The following SMARCC2 variants were observed in gnomAD, a reference collection of about 807,000 sequenced individuals.
SMARCC2 encodes SWI/SNF complex subunit SMARCC2.
In SMARCC2, 15 loss-of-function variants were observed where a neutral mutation model predicts 151.3. The ratio of observed to expected loss-of-function variants is 0.10; its 90% CI spans 0.07 to 0.15. The LOEUF (loss-of-function observed/expected upper bound fraction) is 0.15. Ranked by LOEUF, SMARCC2 falls within the 10% of genes least tolerant of loss-of-function variation. SMARCC2 has a pLI of 1.00. For missense variants in SMARCC2, 1,031 were observed against 1,599.7 expected, an observed-to-expected ratio of 0.64 and a Z score of 6.06; for synonymous variants, 590 against 609.5, an observed-to-expected ratio of 0.97 and a Z score of 0.47.
intron 25 of SMARCC2, 38 bp downstream of exon 25, chr12:56,169,491 A>G: frequency 1.9e-6 from 3 of 1,603,230 alleles, no homozygotes; most frequent in Non-Finnish European, 2.6e-6. Flanking sequence ...AGAGAAGTGG[A>G]CATTTTCTTC....
rs746398290 is a variant in SMARCC2, at chr12:56,164,614, G to A, written c.3350C>T (p.Pro1117Leu). ...TGGAGCAGGAGGAGGAGGAGGAGGC[G>A]GCATGCCAAAAGGCAAACCCAAAGG... Reference protein sequence around the residue: ...NAPLGLPFGMPPPPPPPAPSI... With the variant: ...NAPLGLPFGMLPPPPPPAPSI... The change falls in exon 28 of 29, where the codon CCG (proline) becomes CTG (leucine). Residue 1117 changes from proline (P) to leucine (L), a missense_variant. Pro to Leu is a moderately conservative substitution (Grantham distance 98, BLOSUM62 -3). Coordinates refer to ENST00000550164, the MANE Select transcript of SMARCC2 (RefSeq NM_001330288.2). 46 of 1,613,420 alleles carry A rather than the reference G, an allele frequency of 2.9e-5. No individual in the cohort carries two copies. The highest frequency in any genetic ancestry group is 9.9e-5 in the South Asian group (9 of 91,032).
chr12:56,165,443 C>T lies in SMARCC2; in HGVS notation c.3107G>A (p.Gly1036Glu), dbSNP rs1432002981. Residue 1036 changes from glycine (G) to glutamate (E), a missense_variant, in exon 27 of 29, where the codon GGA becomes GAA. Around this residue, in one of 12 missense-constraint regions of SMARCC2, gnomAD observed 310 missense variants for 350.0 expected, o/e 0.89. Coordinates refer to ENST00000550164, the MANE Select transcript of SMARCC2 (RefSeq NM_001330288.2). ...AATCTGTTCAGAAGGGCCCAAACTT[C>T]CTGGAGGGGCCCCACTGCCAGCAGG... is the stretch of plus-strand genomic sequence containing the variant. Reference protein sequence around the residue: ...PAPAGSGAPPGSLGPSEQIGQ... With the variant: ...PAPAGSGAPPESLGPSEQIGQ... The T allele has an allele frequency of 5.9e-6, 9 of 1,534,386 alleles. No individual in the cohort carries two copies. The highest frequency in any genetic ancestry group is 7.9e-6 in the Non-Finnish European group (9 of 1,141,790).
intron 26 of SMARCC2, 31 bp downstream of exon 26, chr12:56,168,029 G>A (rs760417720): frequency 2.5e-6 from 4 of 1,607,448 alleles, no homozygotes; most frequent in African/African-American, 1.4e-5. Flanking sequence ...GAGGCACAGC[G>A]CAGCAGGGTT....
At chr12:56,165,224 C>G (rs886968959) in intron 27 of SMARCC2, 94 bp downstream of exon 27, 2 of 1,385,404 alleles carry the variant, frequency 1.4e-6, no homozygotes, top group African/African-American at 2.9e-5. Flanking sequence ...AGGCTAACCT[C>G]ATCTCCACAC....
Position 56,171,523 on chromosome 12 carries a change from C to A in SMARCC2, c.2186-91G>T. The A allele has an allele frequency of 6.4e-7, 1 of 1,559,382 alleles. No individual in the cohort carries two copies. Among genetic ancestry groups the A allele is most frequent in the South Asian group, 1.2e-5 (1 of 86,440 alleles). The stretch of plus-strand genomic sequence containing the variant: ...AAGCTTACTCACAAGCCCATGTCTT[C>A]ATCTAAGCTAGTATGGAGCCTAGAC... On this transcript the variant is annotated intron_variant, in intron 21 of 28. Coordinates refer to ENST00000550164, the MANE Select transcript of SMARCC2 (RefSeq NM_001330288.2). This position sits in a 1 kb window ranked among gnomAD's most constrained non-coding sequence, Gnocchi z 4.2.
intron 1 of SMARCC2, 119 bp from the exon 2 acceptor site, chr12:56,187,425 C>A: frequency 1.1e-6 from 1 of 940,946 alleles, no homozygotes; most frequent in South Asian, 1.6e-5. Flanking sequence ...GTGCCCTTCT[C>A]CCCATTTAGT....
At position 56,163,565 on chromosome 12, in the gene SMARCC2, A is replaced by C. The variant is rs1247788007; in HGVS notation, c.*124T>G. 1 of 510,434 alleles carries C rather than the reference A, an allele frequency of 2.0e-6. No homozygotes were observed. The highest frequency in any genetic ancestry group is 3.4e-6 in the Non-Finnish European group (1 of 291,974). The allele number at this position is 510,434 out of a possible 1,614,324, so 31.6% of individuals were successfully genotyped here. A position where few individuals can be genotyped will look rare whatever the true frequency, so the allele number is the denominator to read the frequency against. The stretch of plus-strand genomic sequence containing the variant: ...ATGGTGAGGGCTTTGGAGGGGCGGA[A>C]GGAGCTTTCCTTACGTAGTGATGAA... On this transcript the variant is annotated 3_prime_UTR_variant, in exon 29 of 29. Coordinates refer to ENST00000550164, the MANE Select transcript of SMARCC2 (RefSeq NM_001330288.2).
At chr12:56,179,768 C>A (rs963839628) in intron 11 of SMARCC2, among the ~76,000 whole-genome samples, 15 of 151,516 alleles carry the variant, frequency 9.9e-5, no homozygotes, top group African/African-American at 3.4e-4. Flanking sequence ...CTCACTGCAA[C>A]CTCCACCTCC....
At chr12:56,184,627 T>C (rs753172036) in intron 5 of SMARCC2, 115 of 565,546 alleles carry the variant, frequency 2.0e-4, no homozygotes, top group Middle Eastern at 9.3e-4. Flanking sequence ...CAGGCCAACA[T>C]AGTCTCTAGA....
rs372102022 is a variant in SMARCC2, at chr12:56,185,124, C to T, written c.318-13G>A. The T allele has an allele frequency of 4.3e-6, 7 of 1,610,716 alleles. No homozygotes were observed. Among genetic ancestry groups the T allele is most frequent in the African/African-American group, 2.7e-5 (2 of 74,818 alleles). On this transcript the variant is annotated splice_polypyrimidine_tract_variant and intron_variant, in intron 3 of 28. Coordinates refer to ENST00000550164, the MANE Select transcript of SMARCC2 (RefSeq NM_001330288.2). ...ATCGTAACGCCGCCTTGTGAAGAGGCAATAATCTAGTGAGTGGTATAGCTC... is the reference window on the plus strand; with the variant it reads ...ATCGTAACGCCGCCTTGTGAAGAGGTAATAATCTAGTGAGTGGTATAGCTC...
At position 56,171,725 on chromosome 12, in the gene SMARCC2, A is replaced by G. The variant is rs1260264360; in HGVS notation, c.2139T>C (p.Ser713=). 13 of 1,588,914 alleles carry G rather than the reference A, an allele frequency of 8.2e-6. No individual in the cohort carries two copies. Among genetic ancestry groups the G allele is most frequent in the Non-Finnish European group, 1.1e-5 (13 of 1,166,318 alleles). ...PVMSTVAFLA[S]VVDPRVASAA... ...CAGAGGCGACTCGGGGATCGACGAC[A>G]GAGGCCAGGAAGGCAACAGTGCTCA... Residue 713 remains serine (S), a synonymous_variant, in exon 21 of 29, where the codon TCT becomes TCC. Coordinates refer to ENST00000550164, the MANE Select transcript of SMARCC2 (RefSeq NM_001330288.2). This position sits in a 1 kb window ranked among gnomAD's most constrained non-coding sequence, Gnocchi z 4.2.
intron 1 of SMARCC2, among the ~76,000 whole-genome samples, chr12:56,187,784 T>G (rs11171772): frequency 1.3e-5 from 2 of 152,140 alleles, no homozygotes; most frequent in Non-Finnish European, 2.9e-5. Flanking sequence ...GGAGGGCAAG[T>G]TGACTGAGTG....
intron 15 of SMARCC2, among the ~76,000 whole-genome samples, chr12:56,177,412 T>C (rs773649): frequency 0.099 from 15,089 of 152,060 alleles, 773 homozygotes; most frequent in Non-Finnish European, 0.11. Context: ...GCCCAGCTAA[T>C]TTTTTTTCAC....
In SMARCC2 at chr12:56,162,698, G is replaced by C. The variant is rs1356745012; in HGVS notation, c.*991C>G. 5.0e-6 allele frequency: 1 copy of C among 201,248 alleles called. No homozygotes were observed. The highest frequency in any genetic ancestry group is 2.3e-5 in the African/African-American group (1 of 42,950). 12.5% of individuals were successfully genotyped at this position (201,248 alleles called of 1,614,324 possible). A position where few individuals can be genotyped will look rare whatever the true frequency, so the allele number is the denominator to read the frequency against. On this transcript the variant is annotated 3_prime_UTR_variant, in exon 29 of 29. Transcript: ENST00000550164. ...TGCATCCTCATCTGGGGAGCCCCCA[G>C]CTATCAGCTGAAGTTCTCATAGTCT... is the stretch of plus-strand genomic sequence containing the variant.
chr12:56,185,199 G>T, intron 3 of SMARCC2, 88 bp from the exon 4 acceptor site: 1 of 1,046,160 alleles, frequency 9.6e-7, no homozygotes, highest in Non-Finnish European at 1.5e-6. Flanking sequence ...TGTTTTTTGA[G>T]ATGGAGTCTT....
Position 56,176,112 on chromosome 12 carries a change from C to A in SMARCC2, c.1383-1348G>T, listed in dbSNP as rs1038797081. Reference sequence around the variant, plus strand: ...GACCTCGTGATCTGCCCGCCTGGGCCTCCCAAAGTGCTGGAATTACAGGCG... The same window carrying A: ...GACCTCGTGATCTGCCCGCCTGGGCATCCCAAAGTGCTGGAATTACAGGCG... On this transcript the variant is annotated intron_variant, in intron 15 of 28. Coordinates refer to ENST00000550164, the MANE Select transcript of SMARCC2 (RefSeq NM_001330288.2). Among the ~76,000 whole-genome samples the A allele has an allele frequency of 5.9e-5, 9 of 152,144 alleles. No individual in the cohort carries two copies. In the South Asian group the frequency reaches 1.7e-3, roughly 28 times the overall value.
Position 56,184,094 on chromosome 12 carries a change from C to A in SMARCC2, c.562+81G>T, listed in dbSNP as rs113396512. ...CAAGATTGAAAGAAGAGGAGGAGCC[C>A]AGGTACTGAATGGTGATCTTAGTCC... On this transcript the variant is annotated intron_variant, in intron 6 of 28. Transcript: ENST00000550164. 6.1e-5 allele frequency: 69 copies of A among 1,133,830 alleles called. 1 individual carries two copies. Among genetic ancestry groups the A allele is most frequent in the African/African-American group, 6.0e-4 (39 of 65,248 alleles). 70.2% of individuals were successfully genotyped at this position (1,133,830 alleles called of 1,614,324 possible). A position where few individuals can be genotyped will look rare whatever the true frequency, so the allele number is the denominator to read the frequency against.
intron 11 of SMARCC2, 104 bp from the exon 12 acceptor site, chr12:56,179,160 G>A: frequency 1.1e-6 from 1 of 926,652 alleles, no homozygotes; most frequent in South Asian, 1.4e-5. Context: ...GTCTCCACCT[G>A]ATTGCAAAAT....
rs1565912152 is a variant in SMARCC2 at position 56,178,480 on chromosome 12, G to A, written c.1234C>T (p.Leu412=). 3 of 1,614,158 alleles carry A rather than the reference G, an allele frequency of 1.9e-6. No individual in the cohort carries two copies. The highest frequency in any genetic ancestry group is 2.5e-6 in the Non-Finnish European group (3 of 1,179,994). ...TGTTCAGTCACATTGTCCTCATGCAGGTCTGGATTCTTGGTCTGCTCTCCC... is the reference window on the plus strand; with the variant it reads ...TGTTCAGTCACATTGTCCTCATGCAAGTCTGGATTCTTGGTCTGCTCTCCC... ...NKGEQTKNPD[L]HEDNVTEQTH... The change falls in exon 14 of 29, where the codon CTG becomes TTG. Residue 412 remains leucine, a synonymous_variant. Transcript: ENST00000550164.
Sources: allele counts gnomAD v4.1 joint callset (sites outside exome capture counted in the v4.1 genomes callset), GRCh38; gene constraint gnomAD v4.1.1; regional missense constraint gnomAD v4.1.1; non-coding constraint Gnocchi (gnomAD v3.1); transcripts MANE v1.5; gene names NCBI Gene and HGNC (gene_info 2026-07-23, HGNC 2026-07-21).